The following SNTG1 variants were observed in gnomAD, a reference collection of about 807,000 sequenced individuals.
The protein encoded by SNTG1 is gamma-1-syntrophin.
A neutral mutation model predicts 74.7 loss-of-function variants in SNTG1; 39 were observed. The ratio of observed to expected loss-of-function variants is 0.52; its 90% CI spans 0.40 to 0.68. The LOEUF (loss-of-function observed/expected upper bound fraction) is 0.68. SNTG1 is among the 30% of genes least tolerant of loss of function. SNTG1 has a pLI of 0.00. For missense variants in SNTG1, 685 were observed against 609.5 expected (o/e 1.12, Z -1.30); for synonymous variants, 254 against 217.1 (o/e 1.17, Z -1.49).
chr8:49,952,118 C>T (rs1809776758), intron 1 of SNTG1, among the ~76,000 whole-genome samples: 1 of 152,070 alleles, frequency 6.6e-6, no homozygotes, highest in African/African-American at 2.4e-5. Context: ...ACAGACTGTT[C>T]TTATAGTGCT....
intron 1 of SNTG1, among the ~76,000 whole-genome samples, chr8:50,067,016 G>A (rs1303719806): frequency 5.3e-5 from 8 of 152,074 alleles, no homozygotes; most frequent in Non-Finnish European, 7.4e-5. Context: ...TTATTCTTTC[G>A]TCAGTTCTTT....
At chr8:50,434,534 A>C (rs2093279790) in intron 4 of SNTG1, among the ~76,000 whole-genome samples, 1 of 152,084 alleles carries the variant, frequency 6.6e-6, no homozygotes, top group Admixed American at 6.6e-5. Context: ...ATTTCTCCAC[A>C]TCCTCTCCAG....
chr8:50,673,136 C>A (rs565334989), intron 15 of SNTG1, among the ~76,000 whole-genome samples: 74 of 152,208 alleles, frequency 4.9e-4, no homozygotes, highest in Non-Finnish European at 9.4e-4. Flanking sequence ...ATTCTTTTTC[C>A]TTAGGATTGT....
intron 1 of SNTG1, among the ~76,000 whole-genome samples, chr8:49,989,038 C>T (rs1011136592): frequency 6.6e-6 from 1 of 151,876 alleles, no homozygotes; most frequent in Non-Finnish European, 1.5e-5. Context: ...TTATAGAGAG[C>T]ATGCCTATGT....
At chr8:50,612,209 T>G (rs192639955) in intron 13 of SNTG1, among the ~76,000 whole-genome samples, 1 of 152,354 alleles carries the variant, frequency 6.6e-6, no homozygotes, top group Admixed American at 6.5e-5. Context: ...TAAGAGTTTT[T>G]GAAAACCTTT....
chr8:50,254,265 G>A (rs570075926), intron 2 of SNTG1, among the ~76,000 whole-genome samples: 23 of 152,200 alleles, frequency 1.5e-4, no homozygotes, highest in Middle Eastern at 3.4e-3. Context: ...CTATATTCTC[G>A]ATCAATACAA....
At chr8:50,193,035 C>A (rs1206370356) in intron 2 of SNTG1, among the ~76,000 whole-genome samples, 2 of 152,026 alleles carry the variant, frequency 1.3e-5, no homozygotes, top group South Asian at 2.1e-4. Flanking sequence ...CAGTACCATG[C>A]TGTTTGGGTG....
intron 1 of SNTG1, among the ~76,000 whole-genome samples, chr8:50,030,272 C>T (rs754204059): frequency 4.6e-5 from 7 of 151,988 alleles, no homozygotes; most frequent in Non-Finnish European, 1.0e-4. Flanking sequence ...GCATAGTTTG[C>T]AAATATTTTG....
chr8:49,939,561 C>T (rs535669358), intron 1 of SNTG1, among the ~76,000 whole-genome samples: 1 of 152,258 alleles, frequency 6.6e-6, no homozygotes, highest in South Asian at 2.1e-4. Context: ...TTTAGCCTCC[C>T]GAGTAACTAC....
intron 13 of SNTG1, among the ~76,000 whole-genome samples, chr8:50,639,564 T>C (rs891335049): frequency 2.0e-5 from 3 of 152,070 alleles, no homozygotes; most frequent in Non-Finnish European, 1.5e-5. Context: ...ACATATGTTA[T>C]TGATATCAAC....
chr8:50,142,475 TTATA>T (rs10552210), intron 1 of SNTG1, among the ~76,000 whole-genome samples: 28 of 147,194 alleles, frequency 1.9e-4, no homozygotes, highest in Middle Eastern at 7.2e-3. Flanking sequence ...ATTAAAAAGA[TTATA>T]TATATATATA....
intron 12 of SNTG1, among the ~76,000 whole-genome samples, chr8:50,559,507 G>T (rs1214956820): frequency 6.6e-6 from 1 of 152,118 alleles, no homozygotes; most frequent in Non-Finnish European, 1.5e-5. Flanking sequence ...CATACAGTAA[G>T]ATGATGATTT....
intron 1 of SNTG1, among the ~76,000 whole-genome samples, chr8:50,108,617 A>G (rs980558708): frequency 6.6e-6 from 1 of 152,200 alleles, no homozygotes; most frequent in African/African-American, 2.4e-5. Flanking sequence ...AACAATAACA[A>G]CAAAAATGAT....
intron 1 of SNTG1, among the ~76,000 whole-genome samples, chr8:49,961,126 C>G (rs1171492618): frequency 6.6e-6 from 1 of 152,144 alleles, no homozygotes; most frequent in Non-Finnish European, 1.5e-5. Flanking sequence ...CTTGGTTATG[C>G]AGGGTCACCC....
intron 1 of SNTG1, among the ~76,000 whole-genome samples, chr8:50,035,650 T>C (rs952885644): frequency 1.3e-5 from 2 of 152,168 alleles, no homozygotes; most frequent in Non-Finnish European, 2.9e-5. Flanking sequence ...CATTTATCAG[T>C]TGAGATTCCA....
chr8:50,552,868 T>C (rs912413861), intron 11 of SNTG1, among the ~76,000 whole-genome samples, 182 bp from the exon 12 acceptor site: 1 of 152,196 alleles, frequency 6.6e-6, no homozygotes, highest in Admixed American at 6.6e-5. Flanking sequence ...TGTATGTCAT[T>C]TGGGTCTATC....
intron 12 of SNTG1, among the ~76,000 whole-genome samples, chr8:50,565,452 CTG>C (rs2094511186): frequency 6.6e-6 from 1 of 151,926 alleles, no homozygotes; most frequent in African/African-American, 2.4e-5. Context: ...TGTTCTATAA[CTG>C]TATGTTTTTT....
intron 1 of SNTG1, among the ~76,000 whole-genome samples, chr8:50,040,438 T>C (rs988387791): frequency 7.9e-5 from 12 of 152,198 alleles, no homozygotes; most frequent in Non-Finnish European, 1.3e-4. Flanking sequence ...TCATTGTAAG[T>C]TACTTAAACT....
chr8:50,411,392 G>A (rs1174443580), intron 4 of SNTG1, among the ~76,000 whole-genome samples: 3 of 150,348 alleles, frequency 2.0e-5, no homozygotes, highest in Non-Finnish European at 4.4e-5. Flanking sequence ...AGCTTGCAGT[G>A]AGCCGAGATC....
Sources: allele counts gnomAD v4.1 joint callset (sites outside exome capture counted in the v4.1 genomes callset), GRCh38; gene constraint gnomAD v4.1.1; transcripts MANE v1.5; gene names NCBI Gene and HGNC (gene_info 2026-07-23, HGNC 2026-07-21).